DOCK3: variants seen among roughly 807,000 people sequenced by gnomAD.
DOCK3 encodes the protein dedicator of cytokinesis 3.
DOCK3 carries 60 observed loss-of-function variants against 265.6 expected under a neutral mutation model. The ratio of observed to expected loss-of-function variants is 0.23; its 90% CI spans 0.18 to 0.28. The LOEUF (loss-of-function observed/expected upper bound fraction) is 0.28. Among genes scored for constraint, DOCK3 ranks in the 10% least tolerant of loss-of-function variants. The probability of loss-of-function intolerance (pLI) is 1.00; values close to 1 mark genes in which losing one functional copy is unlikely to be tolerated. For missense variants in DOCK3, 1,981 were observed against 2,594.3 expected (o/e 0.76, Z 5.14); for synonymous variants, 881 against 938.0 (o/e 0.94, Z 1.11).
rs372189733 is a variant in DOCK3 at position 51,260,248 on chromosome 3, T to C, written c.2277T>C (p.Ser759=). ...CGMEEEQFRS[S]IQELFQSIRF... ...TGGAAGAGGAACAATTCAGATCCAG[T>C]ATCCAAGAACTTTTCCAGTCCATCC... The change falls in exon 23 of 53, where the codon AGT becomes AGC. Residue 759 remains serine (S), a synonymous_variant. Transcript: ENST00000266037. 990 of 1,613,808 alleles carry C rather than the reference T, an allele frequency of 6.1e-4. No individual in the cohort carries two copies. Among genetic ancestry groups the C allele is most frequent in the Non-Finnish European group, 7.8e-4 (923 of 1,179,878 alleles).
chr3:50,759,943 T>C (rs1275680427), intron 1 of DOCK3, among the ~76,000 whole-genome samples: 1 of 151,966 alleles, frequency 6.6e-6, no homozygotes, highest in Non-Finnish European at 1.5e-5. Flanking sequence ...ATATATGATT[T>C]AAAAATATTT....
intron 22 of DOCK3, among the ~76,000 whole-genome samples, chr3:51,256,432 A>G (rs2079550001): frequency 6.6e-6 from 1 of 151,986 alleles, no homozygotes; most frequent in African/African-American, 2.4e-5. Context: ...CACCATGCCC[A>G]GCTAATTTTT....
chr3:51,119,080 A>T (rs2083897543), intron 9 of DOCK3, among the ~76,000 whole-genome samples: 1 of 152,060 alleles, frequency 6.6e-6, no homozygotes, highest in Non-Finnish European at 1.5e-5. Context: ...CATGGTCTTT[A>T]CATTTTGGTT....
intron 5 of DOCK3, among the ~76,000 whole-genome samples, chr3:50,988,792 C>G (rs1324230401): frequency 1.3e-5 from 2 of 152,168 alleles, no homozygotes; most frequent in Non-Finnish European, 2.9e-5. Context: ...AGTGGCCAGA[C>G]TGTTATGTGG....
rs1272373004 is a variant in DOCK3 at position 51,360,564 on chromosome 3, A to C, written c.4938A>C (p.Pro1646=). 2 of 1,613,452 alleles carry C rather than the reference A, an allele frequency of 1.2e-6. No homozygotes were observed. The highest frequency in any genetic ancestry group is 1.7e-5 in the Admixed American group (1 of 59,974). ...CTGCATGTTCAGGCACCAGCACCCC[A>C]CGGGGAAATGTTCTGGCATCCCATA... ...LSPACSGTST[P]RGNVLASHSP... Residue 1646 remains proline, a synonymous_variant, in exon 47 of 53, where the codon CCA becomes CCC. Coordinates refer to ENST00000266037, the MANE Select transcript of DOCK3 (RefSeq NM_004947.5).
At chr3:51,279,646 A>G (rs1437201876) in intron 26 of DOCK3, among the ~76,000 whole-genome samples, 9 of 152,074 alleles carry the variant, frequency 5.9e-5, no homozygotes, top group Non-Finnish European at 1.2e-4. Flanking sequence ...CAGTCCAGTA[A>G]CCCTGTGCAA....
rs2088772342 is a variant in DOCK3, at chr3:51,383,208, A to G, written c.*1649A>G. The G allele has an allele frequency of 6.6e-6, 1 of 152,386 alleles. No individual in the cohort carries two copies. The highest frequency in any genetic ancestry group is 2.4e-5 in the African/African-American group (1 of 41,402). The allele number at this position is 152,386 out of a possible 1,614,324, so 9.4% of individuals were successfully genotyped here. ...TGTTTAACAGAAATGCTAATAACCTACTGGGAAAGATGGAGGTCTAAATTA... is the reference window on the plus strand; with the variant it reads ...TGTTTAACAGAAATGCTAATAACCTGCTGGGAAAGATGGAGGTCTAAATTA... On this transcript the variant is annotated 3_prime_UTR_variant, in exon 53 of 53. Transcript: ENST00000266037.
intron 1 of DOCK3, among the ~76,000 whole-genome samples, chr3:50,746,854 T>C (rs918454634): frequency 2.0e-5 from 3 of 152,006 alleles, no homozygotes; most frequent in Admixed American, 6.6e-5. Context: ...GAGATCTGCC[T>C]GCATGACCCA....
At chr3:51,225,552 C>A (rs2090292752) in intron 14 of DOCK3, 97 bp from the exon 15 acceptor site, 3 of 1,498,934 alleles carry the variant, frequency 2.0e-6, no homozygotes, top group Admixed American at 4.6e-5. Flanking sequence ...AACACCCACC[C>A]AAGCCCCAGA....
intron 5 of DOCK3, among the ~76,000 whole-genome samples, chr3:50,941,467 A>G (rs1253461989): frequency 1.3e-5 from 2 of 152,142 alleles, no homozygotes; most frequent in African/African-American, 4.8e-5. Context: ...GCTGGTTAGA[A>G]TGTAAAATGG....
chr3:51,275,304 T>A, intron 25 of DOCK3, 98 bp downstream of exon 25: 2 of 1,550,050 alleles, frequency 1.3e-6, no homozygotes, highest in Non-Finnish European at 1.7e-6. Flanking sequence ...TGTACACTTT[T>A]CAGTCACAGA....
intron 46 of DOCK3, among the ~76,000 whole-genome samples, 162 bp downstream of exon 46, chr3:51,358,239 G>A (rs1322008928): frequency 6.6e-6 from 1 of 152,146 alleles, no homozygotes; most frequent in African/African-American, 2.4e-5. Flanking sequence ...GGGCAAGGAT[G>A]GATGCTATAT....
chr3:50,796,258 C>T (rs548173716), intron 2 of DOCK3, among the ~76,000 whole-genome samples: 7 of 151,710 alleles, frequency 4.6e-5, no homozygotes, highest in African/African-American at 1.5e-4. Context: ...GTCTGGATCT[C>T]CTGACCTCGT....
chr3:51,225,854 T>G lies in DOCK3; in HGVS notation c.1377+81T>G, dbSNP rs2090305994. The G allele has an allele frequency of 4.0e-6, 6 of 1,481,632 alleles. No homozygotes were observed. In the South Asian group the frequency reaches 8.8e-5, roughly 22 times the overall value. 91.8% of individuals were successfully genotyped at this position (1,481,632 alleles called of 1,614,324 possible). On this transcript the variant is annotated intron_variant, in intron 15 of 52. Transcript: ENST00000266037. ...GTGGACTTTATCCAGAGGCCCATTC[T>G]CTTCAAGCAGGATTAAAATCACCCC... is the stretch of plus-strand genomic sequence containing the variant.
chr3:51,328,981 C>T lies in DOCK3; in HGVS notation c.3403-1157C>T, dbSNP rs144340638. On this transcript the variant is annotated intron_variant, in intron 32 of 52. Coordinates refer to ENST00000266037, the MANE Select transcript of DOCK3 (RefSeq NM_004947.5). ...CAGCCTGGGCAACATGGTGAAACCC[C>T]ATCTCTACTAAAAATACAAAAATTA... Among the ~76,000 whole-genome samples, 425 of 152,078 alleles carry T rather than the reference C, an allele frequency of 2.8e-3. 1 individual carries two copies. Among genetic ancestry groups the T allele is most frequent in the Non-Finnish European group, 4.5e-3 (303 of 67,994 alleles).
intron 13 of DOCK3, among the ~76,000 whole-genome samples, chr3:51,210,666 G>T (rs2089452443): frequency 6.6e-6 from 1 of 152,108 alleles, no homozygotes; most frequent in Admixed American, 6.5e-5. Flanking sequence ...TTTATAGATT[G>T]CTCAAGGAAT....
At chr3:51,298,521 A>T (rs995682978) in intron 27 of DOCK3, among the ~76,000 whole-genome samples, 4 of 152,154 alleles carry the variant, frequency 2.6e-5, no homozygotes, top group Non-Finnish European at 4.4e-5. Flanking sequence ...ATAGGTATTA[A>T]GCCCAGCACG....
At position 51,188,469 on chromosome 3, in the gene DOCK3, G is replaced by A. The variant is rs938571671; in HGVS notation, c.1038-20305G>A. Among the ~76,000 whole-genome samples the A allele has an allele frequency of 3.9e-5, 6 of 152,050 alleles. No individual in the cohort carries two copies. The South Asian group carries it at 1.0e-3, about 26-fold the overall frequency. On this transcript the variant is annotated intron_variant, in intron 12 of 52. Coordinates refer to ENST00000266037, the MANE Select transcript of DOCK3 (RefSeq NM_004947.5). ...TCAGGGTATTTAGGGTGTCCACCAC[G>A]CAAGTACAATACATTTTTGTTAAAT... is the stretch of plus-strand genomic sequence containing the variant.
At chr3:50,719,581 C>T in intron 1 of DOCK3, 3 of 1,427,812 alleles carry the variant, frequency 2.1e-6, no homozygotes, top group Non-Finnish European at 2.0e-6. Context: ...TGCTATTATT[C>T]ACCTTGCCAA....
Sources: gnomAD v4.1 joint callset for allele counts (sites outside exome capture counted in the v4.1 genomes callset) on GRCh38, gnomAD v4.1.1 for gene constraint, MANE v1.5 for transcripts, NCBI Gene and HGNC (gene_info 2026-07-23, HGNC 2026-07-21) for gene names.